Variants in SLC25A26 observed in about 807,000 individuals in gnomAD.
SLC25A26 encodes the protein solute carrier family 25 member 26, also known as mitochondrial S-adenosylmethionine carrier protein.
In SLC25A26, 36 loss-of-function variants were observed where a neutral mutation model predicts 37.8. That is an observed-to-expected ratio of 0.95 (90% CI 0.73 to 1.26). The LOEUF is 1.26. Among genes scored for constraint, SLC25A26 ranks in the 50% most tolerant of loss-of-function variants. SLC25A26 has a pLI of 0.00. For missense variants in SLC25A26, 390 were observed against 331.1 expected (o/e 1.18, Z -1.38); for synonymous variants, 129 against 122.5 (o/e 1.05, Z -0.35).
At chr3:66,341,653 T>C (rs982016729) in intron 5 of SLC25A26, among the ~76,000 whole-genome samples, 1 of 152,200 alleles carries the variant, frequency 6.6e-6, no homozygotes, top group Non-Finnish European at 1.5e-5. Context: ...TTAGATTCTT[T>C]TACTCATGTG....
intron 5 of SLC25A26, among the ~76,000 whole-genome samples, chr3:66,307,468 A>T (rs2075258999): frequency 6.6e-6 from 1 of 152,104 alleles, no homozygotes; most frequent in Non-Finnish European, 1.5e-5. Context: ...GTTCACTCTG[A>T]TGATAGTTTC....
At chr3:66,210,131 C>T (rs2071265148) in intron 1 of SLC25A26, among the ~76,000 whole-genome samples, 1 of 150,544 alleles carries the variant, frequency 6.6e-6, no homozygotes, top group African/African-American at 2.4e-5. Flanking sequence ...CTCCTTCTCC[C>T]TTTTCTATTC....
At chr3:66,160,623 A>G (rs145463367) in intron 1 of SLC25A26, among the ~76,000 whole-genome samples, 1 of 152,312 alleles carries the variant, frequency 6.6e-6, no homozygotes, top group East Asian at 1.9e-4. Flanking sequence ...GGCTTAATAC[A>G]CAATTATGAA....
At chr3:66,201,754 G>A (rs1381267108) in intron 1 of SLC25A26, among the ~76,000 whole-genome samples, 2 of 152,138 alleles carry the variant, frequency 1.3e-5, no homozygotes, top group African/African-American at 4.8e-5. Context: ...ATGTTGCTGA[G>A]ACATTTCTGA....
chr3:66,294,371 T>A (rs1576814347), intron 5 of SLC25A26, among the ~76,000 whole-genome samples: 1 of 152,184 alleles, frequency 6.6e-6, no homozygotes, highest in East Asian at 1.9e-4. Flanking sequence ...TGATTTTGTA[T>A]CCTGAGACTC....
intron 5 of SLC25A26, among the ~76,000 whole-genome samples, chr3:66,282,043 C>T (rs1469953968): frequency 9.7e-5 from 12 of 123,834 alleles, no homozygotes; most frequent in Admixed American, 5.2e-4. Flanking sequence ...CTCGCTCTGT[C>T]GCCCAGGCCG....
intron 1 of SLC25A26, among the ~76,000 whole-genome samples, chr3:66,206,559 T>C (rs1177811723): frequency 6.6e-6 from 1 of 152,230 alleles, no homozygotes; most frequent in Non-Finnish European, 1.5e-5. Context: ...CTGTTTCTTT[T>C]ATAAGAAAAT....
intron 1 of SLC25A26, among the ~76,000 whole-genome samples, chr3:66,209,452 TA>T (rs2071243981): frequency 2.9e-5 from 4 of 140,262 alleles, no homozygotes; most frequent in African/African-American, 1.0e-4. Context: ...GATATATATA[TA>T]AAGGTGTATA....
intron 1 of SLC25A26, among the ~76,000 whole-genome samples, chr3:66,214,054 G>C (rs1161351497): frequency 6.6e-6 from 1 of 152,170 alleles, no homozygotes; most frequent in African/African-American, 2.4e-5. Context: ...ATATGGTCTG[G>C]ATGTTTGTCC....
At chr3:66,165,972 T>G (rs2070420766) in intron 1 of SLC25A26, among the ~76,000 whole-genome samples, 1 of 149,924 alleles carries the variant, frequency 6.7e-6, no homozygotes, top group African/African-American at 2.4e-5. Context: ...GTTTTGGGCT[T>G]GGTATACACT....
rs567846713 is a variant in SLC25A26 at position 66,369,387 on chromosome 3, G to A, written c.569-91G>A. On this transcript the variant is annotated intron_variant, in intron 7 of 9. Coordinates refer to ENST00000354883, the MANE Select transcript of SLC25A26 (RefSeq NM_001379210.1). ...CAATCAGCCAGGTGTACATAATGAC[G>A]AAGTGATTTGGGCAGAGTCAGGAAT... 1,899 of 1,053,690 alleles carry A rather than the reference G, an allele frequency of 1.8e-3. 4 individuals are homozygous for A. The highest frequency in any genetic ancestry group is 2.1e-3 in the Non-Finnish European group (1,464 of 698,296). 65.3% of individuals were successfully genotyped at this position (1,053,690 alleles called of 1,614,324 possible).
chr3:66,253,018 A>G (rs1467601776), intron 3 of SLC25A26, among the ~76,000 whole-genome samples: 8 of 109,474 alleles, frequency 7.3e-5, no homozygotes, highest in Non-Finnish European at 1.1e-4. Context: ...GATAGGCAAA[A>G]TAATGCCCCC....
intron 1 of SLC25A26, among the ~76,000 whole-genome samples, chr3:66,222,924 G>A (rs1228318892): frequency 1.3e-5 from 2 of 149,224 alleles, no homozygotes; most frequent in Non-Finnish European, 2.9e-5. Flanking sequence ...TTTATAGAGG[G>A]TAAAATTAGA....
At position 66,271,389 on chromosome 3, in the gene SLC25A26, T is replaced by G. The variant is rs968681555; in HGVS notation, c.453+8010T>G. Among the ~76,000 whole-genome samples, 5 of 152,176 alleles carry G rather than the reference T, an allele frequency of 3.3e-5. No individual in the cohort carries two copies. In the East Asian group the frequency reaches 9.6e-4, roughly 29 times the overall value. ...GTCTCTTTCATTTTGCCTGGCTAAC[T>G]TTAATGCTCTGGCTAATTGACTCAT... is the stretch of plus-strand genomic sequence containing the variant. On this transcript the variant is annotated intron_variant, in intron 5 of 9. Transcript: ENST00000354883.
At chr3:66,300,932 C>T (rs780401952) in intron 5 of SLC25A26, among the ~76,000 whole-genome samples, 2 of 152,038 alleles carry the variant, frequency 1.3e-5, no homozygotes, top group African/African-American at 2.4e-5. Context: ...TTAAAAATTA[C>T]TTGTTTGGAT....
chr3:66,136,820 G>A (rs2069953429), intron 1 of SLC25A26, among the ~76,000 whole-genome samples: 1 of 152,250 alleles, frequency 6.6e-6, no homozygotes, highest in South Asian at 2.1e-4. Flanking sequence ...AAGACCTTCT[G>A]TTTATTTCAA....
At chr3:66,220,849 G>A, upstream of SLC25A26, 1 of 566,378 alleles carries the variant, frequency 1.8e-6, no homozygotes, top group Non-Finnish European at 3.1e-6. Flanking sequence ...CGCTGCTGCA[G>A]GAAACCGAGG....
chr3:66,287,140 C>T (rs1449306911), intron 5 of SLC25A26, among the ~76,000 whole-genome samples: 2 of 151,870 alleles, frequency 1.3e-5, no homozygotes, highest in Non-Finnish European at 2.9e-5. Context: ...ACTAAAAATA[C>T]AAAAAATTAG....
At chr3:66,139,699 T>C (rs1250100767) in intron 1 of SLC25A26, among the ~76,000 whole-genome samples, 1 of 152,212 alleles carries the variant, frequency 6.6e-6, no homozygotes, top group African/African-American at 2.4e-5. Context: ...GCATAACCTA[T>C]TTAAAAGATG....
Sources: gnomAD v4.1 joint callset for allele counts (sites outside exome capture counted in the v4.1 genomes callset) on GRCh38, gnomAD v4.1.1 for gene constraint, MANE v1.5 for transcripts, NCBI Gene and HGNC (gene_info 2026-07-23, HGNC 2026-07-21) for gene names.